AGRN: variants seen among roughly 807,000 people sequenced by gnomAD.
The protein encoded by AGRN is agrin proteoglycan.
In AGRN, 106 loss-of-function variants were observed where a neutral mutation model predicts 211.0. The ratio of observed to expected loss-of-function variants is 0.50; its 90% CI spans 0.43 to 0.59. The LOEUF is 0.59. Among genes scored for constraint, AGRN ranks in the 20% least tolerant of loss-of-function variants. The probability of loss-of-function intolerance (pLI) is 0.00; values close to 1 mark genes in which losing one functional copy is unlikely to be tolerated. For synonymous variants in AGRN, 1,525 were observed against 1,332.5 expected (o/e 1.14, Z -3.15); for missense variants, 3,040 against 2,982.6 (o/e 1.02, Z -0.45).
intron 2 of AGRN, among the ~76,000 whole-genome samples, chr1:1,029,436 A>ATGT: frequency 1.4e-5 from 1 of 70,988 alleles, no homozygotes; most frequent in South Asian, 4.7e-4. Flanking sequence ...CTATGCAGGC[A>ATGT]GGTAGGGGGA....
intron 3 of AGRN, among the ~76,000 whole-genome samples, chr1:1,038,145 T>C (rs1392574048): frequency 6.6e-6 from 1 of 152,102 alleles, no homozygotes; most frequent in African/African-American, 2.4e-5. Context: ...TGGCCGGCAG[T>C]GTCACACCAT....
In AGRN at chr1:1,046,101, G is replaced by C. The variant is rs775148510; in HGVS notation, c.2805+13G>C. 3.1e-6 allele frequency: 5 copies of C among 1,614,008 alleles called. No homozygotes were observed. Among genetic ancestry groups the C allele is most frequent in the Non-Finnish European group, 4.2e-6 (5 of 1,180,010 alleles). ...CAACGCTACCAAGGTGAGGGGTGTG[G>C]GATGTGAAGGGGAGTGGGGAGGAGG... On this transcript the variant is annotated intron_variant, in intron 16 of 35. Coordinates refer to ENST00000379370, the MANE Select transcript of AGRN (RefSeq NM_198576.4).
chr1:1,048,897 G>C lies in AGRN; in HGVS notation c.4136G>C (p.Gly1379Ala). 6.5e-7 allele frequency: 1 copy of C among 1,548,256 alleles called. No individual in the cohort carries two copies. The highest frequency in any genetic ancestry group is 1.2e-5 in the South Asian group (1 of 84,354). Residue 1379 changes from glycine (G) to alanine (A), a missense_variant, in exon 24 of 36, where the codon GGC becomes GCC. By Grantham distance (60) the Gly-to-Ala change is moderately conservative. Transcript: ENST00000379370. This position sits in a 1 kb window ranked among gnomAD's most constrained non-coding sequence, Gnocchi z 5.9. ...GGCGCCCCTGTGCCGGCCTTCGAGG[G>C]CCGCTCCTTCCTGGCCTTCCCCACT... ...VLGAPVPAFE[G>A]RSFLAFPTLR...
In AGRN at chr1:1,051,450, C is replaced by T; in HGVS notation, c.5371-3C>T. 1 of 1,554,080 alleles carries T rather than the reference C, an allele frequency of 6.4e-7. No individual in the cohort carries two copies. Among genetic ancestry groups the T allele is most frequent in the Non-Finnish European group, 8.7e-7 (1 of 1,154,588 alleles). ...GGGACAAGGCCCTCACCCTGCCCTG[C>T]AGGTCTCCCTCGGAGGCCGCCAGCT... On this transcript the variant is annotated splice_polypyrimidine_tract_variant and splice_region_variant and intron_variant, in intron 31 of 35. Transcript: ENST00000379370.
intron 2 of AGRN, among the ~76,000 whole-genome samples, chr1:1,033,885 C>A (rs1157452005): frequency 6.6e-6 from 1 of 151,214 alleles, no homozygotes; most frequent in Non-Finnish European, 1.5e-5. Context: ...GGCGCTCTCC[C>A]GTCCGCATCC....
intron 33 of AGRN, chr1:1,052,054 C>A: frequency 6.7e-7 from 1 of 1,491,944 alleles, no homozygotes; most frequent in Non-Finnish European, 9.0e-7. Flanking sequence ...CCTCTCACTC[C>A]CACTCCTCCA....
At position 1,054,845 on chromosome 1, in the gene AGRN, T is replaced by G. The variant is rs1292932949; in HGVS notation, c.6002T>G (p.Val2001Gly). 6.4e-7 allele frequency: 1 copy of G among 1,560,322 alleles called. No homozygotes were observed. The highest frequency in any genetic ancestry group is 2.4e-5 in the East Asian group (1 of 42,058). Residue 2001 changes from valine (V) to glycine (G), a missense_variant, in exon 36 of 36, where the codon GTG (valine) becomes GGG (glycine). Around this residue, in one of 3 missense-constraint regions of AGRN, gnomAD observed 1,537 missense variants for 1,505.0 expected, o/e 1.02. Transcript: ENST00000379370. ...LWLGGLPELP[V>G]GPALPKAYGT... ...GCAGGGGGCCTGCCGGAGCTGCCCG[T>G]GGGCCCAGCACTGCCCAAGGCCTAC... is the stretch of plus-strand genomic sequence containing the variant.
At chr1:1,028,451 T>A (rs1389556531) in intron 2 of AGRN, among the ~76,000 whole-genome samples, 1 of 152,000 alleles carries the variant, frequency 6.6e-6, no homozygotes, top group Non-Finnish European at 1.5e-5. Flanking sequence ...AGCGTCTGCA[T>A]TCGAGCCTGT....
At chr1:1,054,690 CCCTGCAGT>C in intron 35 of AGRN, 126 bp from the exon 36 acceptor site, 3 of 1,480,026 alleles carry the variant, frequency 2.0e-6, no homozygotes, top group Non-Finnish European at 2.7e-6. Flanking sequence ...CCGCTGTAGC[CCCTGCAGT>C]TCCCAGTGCT....
rs199907417 is a variant in AGRN at position 1,044,467 on chromosome 1, G to C, written c.2254+28G>C. Reference sequence around the variant, plus strand: ...GAGCCGGCTGCACGTGGGGTCTCAGGCACAGGCGGGGCGGCGTCTGGGTTT... The same window carrying C: ...GAGCCGGCTGCACGTGGGGTCTCAGCCACAGGCGGGGCGGCGTCTGGGTTT... On this transcript the variant is annotated intron_variant, in intron 12 of 35. Transcript: ENST00000379370. 5.0e-5 allele frequency: 79 copies of C among 1,585,474 alleles called. No homozygotes were observed. The African/African-American group carries it at 9.2e-4, about 18-fold the overall frequency.
At position 1,045,835 on chromosome 1, in the gene AGRN, GTC is replaced by G. The variant is rs1296893519; in HGVS notation, c.2640_2641del (p.Pro881ArgfsTer11). On this transcript the variant is annotated frameshift_variant, in exon 15 of 36. Transcript: ENST00000379370. LOFTEE classifies it high-confidence loss of function. ...GTGGCTGGACCCAAGTGTGGGCAGT[GTC>G]CAGACGGCCGTGCCCTGGGCCCCGC... is the stretch of plus-strand genomic sequence containing the variant. The G allele has an allele frequency of 6.2e-7, 1 of 1,612,214 alleles. No homozygotes were observed. The highest frequency in any genetic ancestry group is 8.5e-7 in the Non-Finnish European group (1 of 1,179,896).
intron 2 of AGRN, chr1:1,034,401 C>G (rs917660910): frequency 6.1e-6 from 6 of 985,598 alleles, no homozygotes; most frequent in African/African-American, 1.7e-5. Context: ...ACCTGGCACC[C>G]CCAGGGCTGT....
In AGRN at chr1:1,047,696, T is replaced by G; in HGVS notation, c.3631+9T>G. On this transcript the variant is annotated intron_variant, in intron 21 of 35. Coordinates refer to ENST00000379370, the MANE Select transcript of AGRN (RefSeq NM_198576.4). The stretch of plus-strand genomic sequence containing the variant: ...TGTGCACTTTGACCCCAGTGAGACC[T>G]GCACCCTGGACCCTTCCTGGGAGGC... The G allele has an allele frequency of 6.2e-7, 1 of 1,612,996 alleles. No homozygotes were observed. The highest frequency in any genetic ancestry group is 8.5e-7 in the Non-Finnish European group (1 of 1,179,988).
At chr1:1,033,436 G>C (rs1378723744) in intron 2 of AGRN, among the ~76,000 whole-genome samples, 6 of 150,726 alleles carry the variant, frequency 4.0e-5, no homozygotes, top group Non-Finnish European at 8.9e-5. Flanking sequence ...TCACCCCCGC[G>C]GGTGCGGGGC....
Position 1,051,342 on chromosome 1 carries a change from C to T in AGRN, c.5343C>T (p.Ser1781=), listed in dbSNP as rs1645281773. ...FSKLARAAAV[S]SGFDGAIQLV... ...AGCTGGCCCGTGCTGCTGCCGTGTC[C>T]TCTGGCTTCGACGGTGCCATCCAGC... is the stretch of plus-strand genomic sequence containing the variant. Residue 1781 remains serine (S), a synonymous_variant, in exon 31 of 36, where the codon TCC becomes TCT. Transcript: ENST00000379370. 1.9e-6 allele frequency: 3 copies of T among 1,568,650 alleles called. No individual in the cohort carries two copies. Among genetic ancestry groups the T allele is most frequent in the South Asian group, 2.3e-5 (2 of 85,474 alleles).
chr1:1,048,892 C>G lies in AGRN; in HGVS notation c.4131C>G (p.Phe1377Leu), dbSNP rs368555478. 1.7e-5 allele frequency: 26 copies of G among 1,545,330 alleles called. No individual in the cohort carries two copies. The highest frequency in any genetic ancestry group is 9.5e-5 in the South Asian group (8 of 84,258). ...TGCTTGGCGCCCCTGTGCCGGCCTT[C>G]GAGGGCCGCTCCTTCCTGGCCTTCC... is the stretch of plus-strand genomic sequence containing the variant. ...EKVLGAPVPAFEGRSFLAFPT... is the reference protein window; with the variant it reads ...EKVLGAPVPALEGRSFLAFPT... The change falls in exon 24 of 36, where the codon TTC becomes TTG. Residue 1377 changes from phenylalanine to leucine, a missense_variant. Phe to Leu is a conservative substitution (Grantham distance 22, BLOSUM62 0). Around this residue, in one of 3 missense-constraint regions of AGRN, gnomAD observed 1,537 missense variants for 1,505.0 expected, o/e 1.02. Transcript: ENST00000379370. This position sits in a 1 kb window ranked among gnomAD's most constrained non-coding sequence, Gnocchi z 5.9.
intron 2 of AGRN, among the ~76,000 whole-genome samples, chr1:1,024,200 GA>G (rs1644470492): frequency 6.6e-6 from 1 of 152,090 alleles, no homozygotes; most frequent in Non-Finnish European, 1.5e-5. Flanking sequence ...TGGCTGCCGG[GA>G]CAGGGTAAAT....
chr1:1,025,569 G>C (rs989922740), intron 2 of AGRN, among the ~76,000 whole-genome samples: 2 of 151,686 alleles, frequency 1.3e-5, no homozygotes, highest in African/African-American at 4.8e-5. Flanking sequence ...CCGCATTCCT[G>C]CCACCCTCTC....
chr1:1,042,757 C>A (rs916980886), intron 7 of AGRN, among the ~76,000 whole-genome samples: 19 of 151,972 alleles, frequency 1.3e-4, no homozygotes, highest in Admixed American at 1.0e-3. Context: ...AGGTCTGCCC[C>A]TGGTGCGGCA....
Sources: allele counts gnomAD v4.1 joint callset (sites outside exome capture counted in the v4.1 genomes callset), GRCh38; gene constraint gnomAD v4.1.1; regional missense constraint gnomAD v4.1.1; non-coding constraint Gnocchi (gnomAD v3.1); transcripts MANE v1.5; gene names NCBI Gene and HGNC (gene_info 2026-07-23, HGNC 2026-07-21).